PABPC1L: variants seen among roughly 807,000 people sequenced by gnomAD.
The protein encoded by PABPC1L is polyadenylate-binding protein 1-like.
PABPC1L carries 31 observed loss-of-function variants against 66.6 expected under a neutral mutation model. The ratio of observed to expected loss-of-function variants is 0.47; its 90% CI spans 0.35 to 0.63. The LOEUF (loss-of-function observed/expected upper bound fraction) is 0.63. Among genes scored for constraint, PABPC1L ranks in the 20% least tolerant of loss-of-function variants. PABPC1L has a pLI of 0.00. For missense variants in PABPC1L, 722 were observed against 848.8 expected, an observed-to-expected ratio of 0.85 and a Z score of 1.86; for synonymous variants, 348 against 335.1, an observed-to-expected ratio of 1.04 and a Z score of -0.42.
intron 2 of PABPC1L, among the ~76,000 whole-genome samples, chr20:44,916,493 C>T (rs375996610): frequency 2.0e-5 from 3 of 152,120 alleles, no homozygotes; most frequent in Non-Finnish European, 4.4e-5. Context: ...AGGCTGGTCT[C>T]GAACTCCTGA....
At chr20:44,921,566 C>T (rs778670874) in intron 5 of PABPC1L, 28 bp from the exon 6 acceptor site, 1 of 1,611,800 alleles carries the variant, frequency 6.2e-7, no homozygotes, top group South Asian at 1.1e-5. Context: ...GAGTGGTTAC[C>T]AAGCATGTTC....
intron 12 of PABPC1L, among the ~76,000 whole-genome samples, chr20:44,937,411 CG>C (rs1568653950): frequency 1.3e-5 from 2 of 151,656 alleles, no homozygotes; most frequent in African/African-American, 4.9e-5. Flanking sequence ...CCCCTCACCC[CG>C]AAATTTTTTT....
rs754243900 is a variant in PABPC1L, at chr20:44,935,404, T to C, written c.1473T>C (p.Thr491=). Reference sequence around the variant, plus strand: ...TTTGTTTTGCAGCCAACATTGGTACTCAGACCACAGGACCCAGTGGGGTAG... The same window carrying C: ...TTTGTTTTGCAGCCAACATTGGTACCCAGACCACAGGACCCAGTGGGGTAG... ...PHTQRVANIG[T]QTTGPSGVGC... The change falls in exon 11 of 15, where the codon ACT becomes ACC. Residue 491 remains threonine, a synonymous_variant. Coordinates refer to ENST00000217073, the MANE Select transcript of PABPC1L (RefSeq NM_001372179.1). 6.2e-7 allele frequency: 1 copy of C among 1,614,086 alleles called. No homozygotes were observed. The highest frequency in any genetic ancestry group is 2.2e-5 in the East Asian group (1 of 44,888).
At chr20:44,935,610 CGTTTATTAATGT>C (rs1317111175) in intron 11 of PABPC1L, 113 bp downstream of exon 11, 2 of 779,342 alleles carry the variant, frequency 2.6e-6, no homozygotes, top group Non-Finnish European at 4.2e-6. Flanking sequence ...TGTAAAGTTT[CGTTTATTAATGT>C]GTACAATCAA....
chr20:44,913,597 GTT>G (rs1262843812), intron 2 of PABPC1L, among the ~76,000 whole-genome samples: 1 of 152,014 alleles, frequency 6.6e-6, no homozygotes, highest in Non-Finnish European at 1.5e-5. Flanking sequence ...ATTTTTGTAT[GTT>G]TAGTGGAGAC....
chr20:44,934,285 G>A (rs2066884119), intron 10 of PABPC1L, among the ~76,000 whole-genome samples: 1 of 152,164 alleles, frequency 6.6e-6, no homozygotes. Flanking sequence ...GTTGCTGCCA[G>A]GCCCTGACAC....
intron 7 of PABPC1L, among the ~76,000 whole-genome samples, chr20:44,924,747 T>C (rs1416557598): frequency 6.6e-6 from 1 of 152,212 alleles, no homozygotes; most frequent in Admixed American, 6.5e-5. Context: ...TCAGCAGCTC[T>C]ATGAGCTTTA....
intron 3 of PABPC1L, among the ~76,000 whole-genome samples, chr20:44,918,555 A>G (rs557362069): frequency 8.6e-4 from 131 of 152,320 alleles, no homozygotes; most frequent in African/African-American, 3.1e-3. Flanking sequence ...CCAGGGTCAC[A>G]CAGCTAGGCA....
chr20:44,928,674 C>CG (rs548582288), intron 7 of PABPC1L, among the ~76,000 whole-genome samples: 31 of 151,754 alleles, frequency 2.0e-4, no homozygotes, highest in Admixed American at 1.2e-3. Context: ...CAAGCCCAGC[C>CG]GGGGCAACAG....
At position 44,919,273 on chromosome 20, in the gene PABPC1L, A is replaced by G. The variant is rs2066757636; in HGVS notation, c.734A>G (p.Gln245Arg). The change falls in exon 5 of 15, where the codon CAG becomes CGG. Residue 245 changes from glutamine to arginine, a missense_variant. Coordinates refer to ENST00000217073, the MANE Select transcript of PABPC1L (RefSeq NM_001372179.1). The part of the protein sequence containing the change: ...FVNFEKHEEA[Q>R]KAVVHMNGKE... ...AACTTTGAGAAGCATGAGGAAGCCC[A>G]GAAGGTAGGAGCCTCCCCATGGCTC... is the stretch of plus-strand genomic sequence containing the variant. 6.2e-7 allele frequency: 1 copy of G among 1,614,148 alleles called. No homozygotes were observed. The highest frequency in any genetic ancestry group is 1.3e-5 in the African/African-American group (1 of 75,050).
chr20:44,936,802 C>G, intron 12 of PABPC1L, 72 bp downstream of exon 12: 4 of 1,449,108 alleles, frequency 2.8e-6, no homozygotes, highest in Non-Finnish European at 3.8e-6. Flanking sequence ...CTGGGAAACA[C>G]CTCACCTGGT....
intron 5 of PABPC1L, among the ~76,000 whole-genome samples, chr20:44,920,029 T>G (rs2066762330): frequency 1.3e-5 from 2 of 152,180 alleles, no homozygotes; most frequent in African/African-American, 4.8e-5. Context: ...AGAGCAACGT[T>G]TAGTGGAAGT....
At chr20:44,932,946 TC>T (rs1405036105) in intron 9 of PABPC1L, 110 bp from the exon 10 acceptor site, 2 of 657,626 alleles carry the variant, frequency 3.0e-6, no homozygotes. Context: ...TGTTGTAGTT[TC>T]CCTTCCCATT....
chr20:44,924,284 C>CGCTGTCCCCCGG, intron 7 of PABPC1L, 28 bp downstream of exon 7: 10 of 1,522,096 alleles, frequency 6.6e-6, no homozygotes, highest in African/African-American at 1.4e-5. Flanking sequence ...CTCCGGGGGA[C>CGCTGTCCCCCGG]AGCGTTCCCC....
chr20:44,930,771 C>T, intron 8 of PABPC1L, 45 bp downstream of exon 8: 1 of 1,590,382 alleles, frequency 6.3e-7, no homozygotes, highest in Non-Finnish European at 8.5e-7. Flanking sequence ...CCCCCCTGCC[C>T]CAGCAAGGCA....
In PABPC1L at chr20:44,919,174, C is replaced by G. The variant is rs2066756892; in HGVS notation, c.644-9C>G. 1 of 1,614,030 alleles carries G rather than the reference C, an allele frequency of 6.2e-7. No homozygotes were observed. The highest frequency in any genetic ancestry group is 1.3e-5 in the African/African-American group (1 of 74,912). On this transcript the variant is annotated splice_polypyrimidine_tract_variant and intron_variant, in intron 4 of 14. Coordinates refer to ENST00000217073, the MANE Select transcript of PABPC1L (RefSeq NM_001372179.1). ...AGACTCCCCTTTGAGCCAGGTTGGT[C>G]CTTTGCAGGGAAAATGCTGAGTGTG...
At chr20:44,937,370 G>T (rs1436639569) in intron 12 of PABPC1L, among the ~76,000 whole-genome samples, 2 of 150,860 alleles carry the variant, frequency 1.3e-5, no homozygotes, top group Non-Finnish European at 2.9e-5. Flanking sequence ...TGTTTCCTCA[G>T]CTTACTTAGG....
chr20:44,921,467 G>C, intron 5 of PABPC1L, 127 bp from the exon 6 acceptor site: 6 of 1,356,402 alleles, frequency 4.4e-6, no homozygotes, highest in Non-Finnish European at 6.1e-6. Flanking sequence ...CTTTGTCCTG[G>C]TACTGATTAT....
At chr20:44,937,826 G>T (rs1420598942) in intron 12 of PABPC1L, 1 of 505,904 alleles carries the variant, frequency 2.0e-6, no homozygotes, top group African/African-American at 2.0e-5. Context: ...CCCACTTAAG[G>T]CACCCAGTCC....
Sources: gnomAD v4.1 joint callset for allele counts (sites outside exome capture counted in the v4.1 genomes callset) on GRCh38, gnomAD v4.1.1 for gene constraint, MANE v1.5 for transcripts, NCBI Gene and HGNC (gene_info 2026-07-23, HGNC 2026-07-21) for gene names.